Variants in GALNT14 observed in about 807,000 individuals in gnomAD.
The protein encoded by GALNT14 is polypeptide N-acetylgalactosaminyltransferase 14.
Under a neutral mutation model 77.5 loss-of-function variants are expected in GALNT14, and 60 were observed. That is an observed-to-expected ratio of 0.77 (90% CI 0.63 to 0.96). The LOEUF (loss-of-function observed/expected upper bound fraction) is 0.96. Among genes scored for constraint, GALNT14 ranks in the 40% least tolerant of loss-of-function variants. The pLI is 0.00. For synonymous variants in GALNT14, 280 were observed against 281.7 expected (o/e 0.99, Z 0.06); for missense variants, 710 against 731.0 (o/e 0.97, Z 0.33).
At chr2:31,091,533 A>T (rs1056174490) in intron 1 of GALNT14, among the ~76,000 whole-genome samples, 9 of 152,222 alleles carry the variant, frequency 5.9e-5, no homozygotes, top group Admixed American at 2.6e-4. Context: ...ATGAGTCAAG[A>T]TTTTATTCTG....
intron 1 of GALNT14, among the ~76,000 whole-genome samples, chr2:31,083,285 G>C (rs954251657): frequency 9.2e-5 from 14 of 152,270 alleles, no homozygotes; most frequent in African/African-American, 1.4e-4. Flanking sequence ...GGGATCAGAG[G>C]GGGGTGGAAG....
intron 3 of GALNT14, among the ~76,000 whole-genome samples, chr2:30,965,488 T>C (rs1188739239): frequency 6.6e-6 from 1 of 151,210 alleles, no homozygotes; most frequent in Non-Finnish European, 1.5e-5. Flanking sequence ...ACAGCCAGAG[T>C]CTTTGGAGAA....
At chr2:31,038,065 C>CGTATATATATATAT (rs1672851904) in intron 1 of GALNT14, among the ~76,000 whole-genome samples, 1 of 68,204 alleles carries the variant, frequency 1.5e-5, no homozygotes, top group Non-Finnish European at 2.5e-5. Context: ...CCTTATTTGC[C>CGTATATATATATAT]ATATATATAT....
At chr2:31,131,413 G>A (rs1678988941) in intron 1 of GALNT14, among the ~76,000 whole-genome samples, 1 of 152,146 alleles carries the variant, frequency 6.6e-6, no homozygotes, top group Non-Finnish European at 1.5e-5. Flanking sequence ...TAGGTCTCTG[G>A]GGTGGAATAT....
At chr2:31,079,183 G>C in intron 1 of GALNT14, 1 of 578,072 alleles carries the variant, frequency 1.7e-6, no homozygotes, top group Non-Finnish European at 2.5e-6. Flanking sequence ...CATCAGTGTG[G>C]AAGTTGGCTG....
At chr2:30,902,770 T>G in the GALNT14 span, among the ~76,000 whole-genome samples, 1 of 152,094 alleles carries the variant, frequency 6.6e-6, no homozygotes, top group Middle Eastern at 3.4e-3. Context: ...AAAGAAGAGA[T>G]AAGTTTCTTG....
At chr2:30,915,582 G>A (rs897220846) in intron 13 of GALNT14, among the ~76,000 whole-genome samples, 5 of 152,176 alleles carry the variant, frequency 3.3e-5, no homozygotes, top group Non-Finnish European at 7.4e-5. Context: ...TCCCAGAAGG[G>A]CCATGATGAA....
intron 1 of GALNT14, among the ~76,000 whole-genome samples, chr2:31,060,899 C>A (rs1037158637): frequency 6.6e-5 from 10 of 152,224 alleles, no homozygotes; most frequent in African/African-American, 2.4e-4. Flanking sequence ...GCTTCTATGG[C>A]CACAGGACTG....
chr2:31,002,961 C>A (rs892471639), intron 1 of GALNT14, among the ~76,000 whole-genome samples: 4 of 152,240 alleles, frequency 2.6e-5, no homozygotes, highest in African/African-American at 9.6e-5. Context: ...TGTATTATCA[C>A]CTTCTTCCTC....
intron 1 of GALNT14, among the ~76,000 whole-genome samples, chr2:31,088,560 G>A (rs573492224): frequency 1.2e-3 from 186 of 152,274 alleles, no homozygotes; most frequent in African/African-American, 4.3e-3. Context: ...CCACAACTTG[G>A]AGCCCAGCTT....
chr2:31,030,452 A>G (rs1672336381), intron 1 of GALNT14, among the ~76,000 whole-genome samples: 1 of 152,176 alleles, frequency 6.6e-6, no homozygotes, highest in African/African-American at 2.4e-5. Context: ...AAAACTAAGG[A>G]AGCAAAAGTC....
chr2:31,025,543 A>G (rs968255227), intron 1 of GALNT14, among the ~76,000 whole-genome samples: 6 of 152,224 alleles, frequency 3.9e-5, no homozygotes, highest in African/African-American at 1.4e-4. Context: ...GAAGACAGGG[A>G]GCAGAGAAAA....
At chr2:31,030,875 C>T (rs1235048805) in intron 1 of GALNT14, among the ~76,000 whole-genome samples, 11 of 152,170 alleles carry the variant, frequency 7.2e-5, no homozygotes, top group Admixed American at 7.2e-4. Context: ...AGGCTCAGAC[C>T]CATCAGCAAC....
At chr2:30,903,534 T>C in the GALNT14 span, among the ~76,000 whole-genome samples, 2 of 152,382 alleles carry the variant, frequency 1.3e-5, no homozygotes, top group East Asian at 3.9e-4. Context: ...GGCAGGGGAC[T>C]GAGGGCAGCC....
intron 1 of GALNT14, among the ~76,000 whole-genome samples, chr2:31,022,907 A>C (rs1671810817): frequency 6.6e-6 from 1 of 152,176 alleles, no homozygotes; most frequent in African/African-American, 2.4e-5. Flanking sequence ...GGCTACTGCT[A>C]TCAGCATGCG....
intron 1 of GALNT14, among the ~76,000 whole-genome samples, chr2:31,115,194 C>T (rs914760116): frequency 5.3e-5 from 8 of 151,826 alleles, no homozygotes; most frequent in South Asian, 2.1e-4. Context: ...GAGGTTGCAA[C>T]GAGCTATCAC....
intron 1 of GALNT14, among the ~76,000 whole-genome samples, chr2:31,046,116 C>T (rs967091639): frequency 1.3e-5 from 2 of 151,982 alleles, no homozygotes; most frequent in African/African-American, 4.8e-5. Flanking sequence ...GGTGCTGTTA[C>T]CATCCACATT....
the GALNT14 span, among the ~76,000 whole-genome samples, chr2:30,888,240 C>A: frequency 2.6e-5 from 4 of 152,278 alleles, no homozygotes; most frequent in East Asian, 7.7e-4. Context: ...CTGCACCAGG[C>A]CACTCTAGCA....
At chr2:30,977,326 G>A (rs1287383649) in intron 2 of GALNT14, among the ~76,000 whole-genome samples, 2 of 152,116 alleles carry the variant, frequency 1.3e-5, no homozygotes, top group African/African-American at 2.4e-5. Context: ...CCTGACCTCA[G>A]GTGATCCGCC....
Sources: gnomAD v4.1 joint callset for allele counts (sites outside exome capture counted in the v4.1 genomes callset) on GRCh38, gnomAD v4.1.1 for gene constraint, MANE v1.5 for transcripts, NCBI Gene and HGNC (gene_info 2026-07-23, HGNC 2026-07-21) for gene names.